The following RB1CC1 variants were observed in gnomAD, a reference collection of about 807,000 sequenced individuals.
RB1CC1 encodes the protein RB1-inducible coiled-coil protein 1.
A neutral mutation model predicts 177.5 loss-of-function variants in RB1CC1; 46 were observed. The ratio of observed to expected loss-of-function variants is 0.26; its 90% CI spans 0.20 to 0.33. The LOEUF (loss-of-function observed/expected upper bound fraction) is 0.33, where lower values mean the gene tolerates loss of function less well. RB1CC1 is among the 10% of genes least tolerant of loss of function. The pLI is 1.00. For synonymous variants in RB1CC1, 666 were observed against 613.6 expected (o/e 1.09, Z -1.26); for missense variants, 1,703 against 1,816.3 (o/e 0.94, Z 1.13).
intron 18 of RB1CC1, among the ~76,000 whole-genome samples, chr8:52,637,507 T>C (rs201532056): frequency 1.8e-4 from 27 of 152,198 alleles, no homozygotes; most frequent in South Asian, 1.0e-3. Context: ...CCAGCTCCAA[T>C]TGATTTTTGC....
intron 5 of RB1CC1, among the ~76,000 whole-genome samples, chr8:52,678,272 C>G (rs368724080): frequency 6.6e-6 from 1 of 152,042 alleles, no homozygotes; most frequent in African/African-American, 2.4e-5. Flanking sequence ...CAAAAATTAG[C>G]TGGGTGTGGT....
chr8:52,676,629 G>A, intron 5 of RB1CC1, 58 bp from the exon 6 acceptor site: 1 of 1,450,522 alleles, frequency 6.9e-7, no homozygotes, highest in Non-Finnish European at 9.5e-7. Flanking sequence ...GTTTGCAGAA[G>A]TTTGCATATG....
intron 1 of RB1CC1, among the ~76,000 whole-genome samples, chr8:52,694,418 T>G (rs1855190608): frequency 1.3e-5 from 2 of 152,130 alleles, no homozygotes; most frequent in South Asian, 4.1e-4. Context: ...TGATGCCAAC[T>G]GGGCACAAAA....
At chr8:52,690,744 C>T (rs189041465) in intron 1 of RB1CC1, among the ~76,000 whole-genome samples, 21 of 152,218 alleles carry the variant, frequency 1.4e-4, no homozygotes, top group African/African-American at 4.8e-4. Context: ...AGAAAAATTA[C>T]AAGAATAGTA....
chr8:52,678,227 G>A (rs1317314170), intron 5 of RB1CC1, among the ~76,000 whole-genome samples: 1 of 152,090 alleles, frequency 6.6e-6, no homozygotes, highest in Non-Finnish European at 1.5e-5. Context: ...AGGTCAGCCT[G>A]GCCAAGATGG....
chr8:52,688,845 T>C (rs565793012), intron 1 of RB1CC1, among the ~76,000 whole-genome samples: 26 of 152,338 alleles, frequency 1.7e-4, no homozygotes, highest in East Asian at 7.7e-4. Context: ...AAAATTCCTC[T>C]ATTTATACTG....
chr8:52,682,806 A>T (rs1227458649), intron 5 of RB1CC1, among the ~76,000 whole-genome samples: 2 of 152,168 alleles, frequency 1.3e-5, no homozygotes, highest in African/African-American at 4.8e-5. Flanking sequence ...TCAAATGTTT[A>T]TTAAATATGT....
rs1851202289 is a variant in RB1CC1, at chr8:52,657,745, A to G, written c.2084T>C (p.Ile695Thr). 2.5e-6 allele frequency: 4 copies of G among 1,614,040 alleles called. No individual in the cohort carries two copies. The highest frequency in any genetic ancestry group is 1.1e-5 in the South Asian group (1 of 91,078). Residue 695 changes from isoleucine to threonine, a missense_variant, in exon 15 of 24, where the codon ATT becomes ACT. Transcript: ENST00000025008. Reference sequence around the variant, plus strand: ...TTCAAAATCAAACGTATGTGCATCAATACTATCTGGAGATAATTCTTCTAA... The same window carrying G: ...TTCAAAATCAAACGTATGTGCATCAGTACTATCTGGAGATAATTCTTCTAA... The part of the protein sequence containing the change: ...CPLEELSPDS[I>T]DAHTFDFETI...
chr8:52,631,584 A>C (rs1848760843), intron 20 of RB1CC1, among the ~76,000 whole-genome samples: 1 of 152,152 alleles, frequency 6.6e-6, no homozygotes. Flanking sequence ...TGCATGCCAA[A>C]ACTCACTGAG....
intron 21 of RB1CC1, among the ~76,000 whole-genome samples, chr8:52,629,541 A>G (rs1028523721): frequency 6.6e-6 from 1 of 152,164 alleles, no homozygotes; most frequent in Admixed American, 6.5e-5. Flanking sequence ...GGTTCAGGCC[A>G]TGACAAAAGG....
intron 8 of RB1CC1, among the ~76,000 whole-genome samples, chr8:52,664,371 T>A (rs1274056210): frequency 6.6e-6 from 1 of 152,150 alleles, no homozygotes; most frequent in Non-Finnish European, 1.5e-5. Context: ...CCAAAAAATA[T>A]CCATTGGAGA....
intron 13 of RB1CC1, among the ~76,000 whole-genome samples, chr8:52,658,520 T>G (rs1281036529): frequency 7.3e-6 from 1 of 137,616 alleles, no homozygotes; most frequent in Non-Finnish European, 1.5e-5. Flanking sequence ...AAGGTTGCAG[T>G]GAGCCAGTAT....
chr8:52,670,968 A>G (rs1386829141), intron 7 of RB1CC1, among the ~76,000 whole-genome samples: 2 of 151,888 alleles, frequency 1.3e-5, no homozygotes, highest in East Asian at 1.9e-4. Flanking sequence ...AAAAAAAAAA[A>G]GAGTCTTTTT....
At position 52,656,586 on chromosome 8, in the gene RB1CC1, G is replaced by A; in HGVS notation, c.3243C>T (p.Ser1081=). 4 of 1,612,804 alleles carry A rather than the reference G, an allele frequency of 2.5e-6. No individual in the cohort carries two copies. Among genetic ancestry groups the A allele is most frequent in the Non-Finnish European group, 3.4e-6 (4 of 1,179,500 alleles). ...TDEIKILLEE[S]RAQQKETLKS... ...TCAAGGTCTCCTTCTGCTGGGCTCT[G>A]CTTTCTTCCAGCAAAATTTTTATTT... The change falls in exon 15 of 24, where the codon AGC becomes AGT. Residue 1081 remains serine, a synonymous_variant. Transcript: ENST00000025008.
intron 1 of RB1CC1, among the ~76,000 whole-genome samples, chr8:52,712,366 T>G (rs1857128475): frequency 6.6e-6 from 1 of 152,164 alleles, no homozygotes; most frequent in Non-Finnish European, 1.5e-5. Flanking sequence ...AAAACTTTTC[T>G]CAGGCTAACA....
chr8:52,664,445 G>A (rs1036082751), intron 8 of RB1CC1, among the ~76,000 whole-genome samples: 2 of 152,178 alleles, frequency 1.3e-5, no homozygotes, highest in East Asian at 1.9e-4. Flanking sequence ...CTCAGGTATC[G>A]AAGAAAGAAA....
At chr8:52,696,650 G>A (rs978676162) in intron 1 of RB1CC1, among the ~76,000 whole-genome samples, 10 of 152,118 alleles carry the variant, frequency 6.6e-5, no homozygotes, top group African/African-American at 2.4e-5. Flanking sequence ...AGCTAAGATA[G>A]AACCCATGAT....
intron 1 of RB1CC1, among the ~76,000 whole-genome samples, chr8:52,688,969 T>C (rs1197475926): frequency 6.6e-6 from 1 of 152,194 alleles, no homozygotes; most frequent in Non-Finnish European, 1.5e-5. Flanking sequence ...ACTTGGCAGA[T>C]AAGTCAACTC....
chr8:52,709,441 T>C (rs1354283384), intron 1 of RB1CC1, among the ~76,000 whole-genome samples: 1 of 152,012 alleles, frequency 6.6e-6, no homozygotes, highest in East Asian at 1.9e-4. Flanking sequence ...TCTAATACAG[T>C]CAAAACTTAG....
Sources: allele counts gnomAD v4.1 joint callset (sites outside exome capture counted in the v4.1 genomes callset), GRCh38; gene constraint gnomAD v4.1.1; transcripts MANE v1.5; gene names NCBI Gene and HGNC (gene_info 2026-07-23, HGNC 2026-07-21).